LAMA2: variants seen among roughly 807,000 people sequenced by gnomAD.
LAMA2 encodes laminin subunit alpha-2.
A neutral mutation model predicts 364.8 loss-of-function variants in LAMA2; 269 were observed. The observed-to-expected ratio is 0.74, with a 90% CI of 0.67 to 0.82. The LOEUF (loss-of-function observed/expected upper bound fraction) is 0.82. Among genes scored for constraint, LAMA2 ranks in the 40% least tolerant of loss-of-function variants. The pLI, the probability that LAMA2 is intolerant of heterozygous loss-of-function variation, is 0.00. For missense variants in LAMA2, 3,807 were observed against 3,873.2 expected, an observed-to-expected ratio of 0.98 and a Z score of 0.45; for synonymous variants, 1,379 against 1,370.6, an observed-to-expected ratio of 1.01 and a Z score of -0.14.
intron 1 of LAMA2, among the ~76,000 whole-genome samples, chr6:128,905,858 C>A (rs187408683): frequency 0.011 from 1,582 of 150,546 alleles, 28 homozygotes; most frequent in African/African-American, 0.037. Context: ...TTGTTCAATT[C>A]CCACCTATGA....
At chr6:129,147,956 T>TG (rs142251946) in intron 6 of LAMA2, among the ~76,000 whole-genome samples, 50,841 of 151,720 alleles carry the variant, frequency 0.34, 12,012 homozygotes, top group African/African-American at 0.68. Flanking sequence ...CTTTAAATCC[T>TG]GGATACTCGT....
intron 41 of LAMA2, among the ~76,000 whole-genome samples, chr6:129,431,471 G>A (rs1029878139): frequency 1.3e-5 from 2 of 151,406 alleles, no homozygotes; most frequent in African/African-American, 4.9e-5. Flanking sequence ...CCTATTCCCT[G>A]GAGATCTATG....
intron 1 of LAMA2, among the ~76,000 whole-genome samples, chr6:129,010,371 TC>T (rs1784691827): frequency 6.6e-6 from 1 of 152,192 alleles, no homozygotes; most frequent in Admixed American, 6.5e-5. Context: ...CTTTCCTCTT[TC>T]GTTTAGGTGA....
At chr6:129,358,515 A>G (rs866586405) in intron 32 of LAMA2, among the ~76,000 whole-genome samples, 15 of 152,070 alleles carry the variant, frequency 9.9e-5, no homozygotes, top group African/African-American at 3.6e-4. Flanking sequence ...GTTGGAAGAA[A>G]TAAGTAAACT....
chr6:129,169,111 G>A (rs930148244), intron 9 of LAMA2, among the ~76,000 whole-genome samples: 5 of 151,846 alleles, frequency 3.3e-5, no homozygotes, highest in Non-Finnish European at 5.9e-5. Context: ...CTGCAAACGG[G>A]GACAATTTGA....
intron 32 of LAMA2, among the ~76,000 whole-genome samples, chr6:129,355,874 G>A (rs149031812): frequency 6.6e-6 from 1 of 152,250 alleles, no homozygotes; most frequent in African/African-American, 2.4e-5. Flanking sequence ...AAGAGAGACA[G>A]AAATGCATGA....
At chr6:129,203,176 TAAAG>T (rs538533483) in intron 12 of LAMA2, among the ~76,000 whole-genome samples, 3 of 152,232 alleles carry the variant, frequency 2.0e-5, no homozygotes, top group African/African-American at 4.8e-5. Context: ...ATTTCAAACT[TAAAG>T]AAAGAAAACC....
At chr6:129,108,395 G>A (rs1357800372) in intron 4 of LAMA2, among the ~76,000 whole-genome samples, 1 of 151,742 alleles carries the variant, frequency 6.6e-6, no homozygotes, top group Admixed American at 6.6e-5. Context: ...TTTACTCTTA[G>A]CTTATTTTGA....
chr6:129,219,042 C>T (rs953102192), intron 12 of LAMA2, among the ~76,000 whole-genome samples: 18 of 151,890 alleles, frequency 1.2e-4, no homozygotes, highest in African/African-American at 2.9e-4. Flanking sequence ...GTTAAGACAC[C>T]GTAATAATGT....
At chr6:128,918,367 G>A (rs1778479363) in intron 1 of LAMA2, among the ~76,000 whole-genome samples, 1 of 151,964 alleles carries the variant, frequency 6.6e-6, no homozygotes, top group African/African-American at 2.4e-5. Flanking sequence ...TGCCATTCAT[G>A]GTTGTGTTTA....
At chr6:129,136,667 C>G (rs1469504253) in intron 4 of LAMA2, among the ~76,000 whole-genome samples, 2 of 151,856 alleles carry the variant, frequency 1.3e-5, no homozygotes, top group Non-Finnish European at 2.9e-5. Flanking sequence ...AACTGATTTT[C>G]TTATTATGCT....
intron 34 of LAMA2, among the ~76,000 whole-genome samples, chr6:129,375,692 C>T (rs1333991364): frequency 1.3e-5 from 2 of 152,154 alleles, no homozygotes; most frequent in Admixed American, 6.5e-5. Context: ...CATGTTTTCC[C>T]TCACTGTATA....
chr6:129,422,608 A>G (rs2114731792), intron 40 of LAMA2, among the ~76,000 whole-genome samples: 1 of 152,266 alleles, frequency 6.6e-6, no homozygotes, highest in East Asian at 1.9e-4. Context: ...CAATTTGGAT[A>G]AAAAGGGCAA....
At chr6:128,889,417 T>C (rs1251828585) in intron 1 of LAMA2, among the ~76,000 whole-genome samples, 4 of 152,192 alleles carry the variant, frequency 2.6e-5, no homozygotes, top group South Asian at 4.1e-4. Context: ...TTTGTTACTG[T>C]TTTAAGAATC....
intron 4 of LAMA2, among the ~76,000 whole-genome samples, chr6:129,132,244 G>A (rs1386146580): frequency 6.7e-6 from 1 of 149,764 alleles, no homozygotes; most frequent in Non-Finnish European, 1.5e-5. Flanking sequence ...TCGGCTCACT[G>A]CAAGCTCCAC....
intron 1 of LAMA2, among the ~76,000 whole-genome samples, chr6:128,935,364 C>T (rs1364231173): frequency 1.5e-4 from 23 of 152,164 alleles, no homozygotes; most frequent in Non-Finnish European, 1.3e-4. Context: ...TGGTTTCCAG[C>T]TTCATCCATG....
intron 40 of LAMA2, among the ~76,000 whole-genome samples, chr6:129,408,001 A>T (rs1780333029): frequency 6.6e-6 from 1 of 152,174 alleles, no homozygotes; most frequent in South Asian, 2.1e-4. Flanking sequence ...GCCAGGTGGT[A>T]ATCTTAACTT....
chr6:129,324,431 A>G (rs939643333), intron 28 of LAMA2, among the ~76,000 whole-genome samples: 2 of 152,242 alleles, frequency 1.3e-5, no homozygotes, highest in South Asian at 2.1e-4. Flanking sequence ...ATTGAGGCCC[A>G]TGATCACACA....
chr6:128,928,971 A>G lies in LAMA2; in HGVS notation c.112+45614A>G, dbSNP rs1432318592. 3.7e-6 allele frequency: 4 copies of G among 1,080,612 alleles called. No homozygotes were observed. The Admixed American group carries it at 6.8e-5, about 18-fold the overall frequency. The allele number at this position is 1,080,612 out of a possible 1,614,324, so 66.9% of individuals were successfully genotyped here. ...GTAGAGGAGGTAATACAGGGAAGCT[A>G]CTCATTCCAGCTCAGAAGGAGCAGA... On this transcript the variant is annotated intron_variant, in intron 1 of 64. Transcript: ENST00000421865.
Sources: gnomAD v4.1 joint callset for allele counts (sites outside exome capture counted in the v4.1 genomes callset) on GRCh38, gnomAD v4.1.1 for gene constraint, MANE v1.5 for transcripts, NCBI Gene and HGNC (gene_info 2026-07-23, HGNC 2026-07-21) for gene names.